Variants in SGCZ observed in about 807,000 individuals in gnomAD.
SGCZ encodes the protein sarcoglycan zeta.
A neutral mutation model predicts 41.3 loss-of-function variants in SGCZ; 40 were observed. The ratio of observed to expected loss-of-function variants is 0.97; its 90% CI spans 0.75 to 1.26. The LOEUF (loss-of-function observed/expected upper bound fraction) is 1.26. SGCZ is among the 50% of genes most tolerant of loss of function. SGCZ has a pLI of 0.00. For missense variants in SGCZ, 552 were observed against 369.8 expected (o/e 1.49, Z -4.04); for synonymous variants, 206 against 137.5 (o/e 1.50, Z -3.49).
At chr8:14,369,464 T>C (rs1489962071) in intron 2 of SGCZ, among the ~76,000 whole-genome samples, 1 of 152,028 alleles carries the variant, frequency 6.6e-6, no homozygotes, top group Non-Finnish European at 1.5e-5. Context: ...GCATCATAGC[T>C]AGAGGCACTC....
At chr8:14,247,041 A>G (rs1799121542) in intron 3 of SGCZ, among the ~76,000 whole-genome samples, 1 of 152,056 alleles carries the variant, frequency 6.6e-6, no homozygotes, top group Non-Finnish European at 1.5e-5. Flanking sequence ...ACTTATCTAG[A>G]GCTGTTTACC....
intron 5 of SGCZ, among the ~76,000 whole-genome samples, chr8:14,127,874 A>C (rs537765693): frequency 6.6e-6 from 1 of 152,160 alleles, no homozygotes; most frequent in African/African-American, 2.4e-5. Flanking sequence ...CCAGGTATTA[A>C]GCCCAGTACC....
intron 2 of SGCZ, among the ~76,000 whole-genome samples, chr8:14,378,053 G>A (rs1218237878): frequency 4.0e-5 from 6 of 149,656 alleles, no homozygotes; most frequent in African/African-American, 1.5e-4. Context: ...CCAGTAATGG[G>A]ATGGCTGGGT....
At chr8:14,598,204 T>A (rs1002277319) in intron 1 of SGCZ, among the ~76,000 whole-genome samples, 1 of 152,170 alleles carries the variant, frequency 6.6e-6, no homozygotes, top group Non-Finnish European at 1.5e-5. Context: ...TTTTATTTCA[T>A]TTCAAGTGGG....
At chr8:15,001,467 C>G (rs188196929) in intron 1 of SGCZ, among the ~76,000 whole-genome samples, 89 of 152,228 alleles carry the variant, frequency 5.8e-4, no homozygotes, top group African/African-American at 2.0e-3. Context: ...TGGTGGCTCA[C>G]GCCCGCAATC....
At chr8:14,440,460 G>A (rs4644256) in intron 2 of SGCZ, among the ~76,000 whole-genome samples, 32,836 of 151,956 alleles carry the variant, frequency 0.22, 4,250 homozygotes, top group Non-Finnish European at 0.29. Context: ...AGAACACAAT[G>A]AAGTTTCCAT....
At chr8:14,664,857 T>C (rs1448542577) in intron 1 of SGCZ, among the ~76,000 whole-genome samples, 2 of 152,138 alleles carry the variant, frequency 1.3e-5, no homozygotes, top group Non-Finnish European at 2.9e-5. Context: ...TCTCATGTTG[T>C]TCCAAAGCTC....
At chr8:14,928,558 G>C (rs189492005) in intron 1 of SGCZ, among the ~76,000 whole-genome samples, 79 of 152,270 alleles carry the variant, frequency 5.2e-4, no homozygotes, top group Admixed American at 1.4e-3. Context: ...TTTAAACGTG[G>C]TGCTAATTAA....
intron 2 of SGCZ, among the ~76,000 whole-genome samples, chr8:14,518,550 G>A (rs896257239): frequency 1.3e-5 from 2 of 152,056 alleles, no homozygotes; most frequent in African/African-American, 2.4e-5. Context: ...AATTTATTGT[G>A]AAATAAAATA....
intron 1 of SGCZ, among the ~76,000 whole-genome samples, chr8:14,656,451 CCTT>C (rs1327674189): frequency 4.1e-5 from 6 of 146,224 alleles, no homozygotes; most frequent in Admixed American, 6.9e-5. Context: ...TCCCTCCCTT[CCTT>C]CTTTTCTTTT....
chr8:14,417,102 C>T (rs1033713776), intron 2 of SGCZ, among the ~76,000 whole-genome samples: 3 of 151,734 alleles, frequency 2.0e-5, no homozygotes, highest in Non-Finnish European at 2.9e-5. Context: ...ATTCTATGCT[C>T]AACCTGTTTC....
chr8:14,171,475 T>A (rs1804379564), intron 4 of SGCZ, among the ~76,000 whole-genome samples: 1 of 152,036 alleles, frequency 6.6e-6, no homozygotes, highest in African/African-American at 2.4e-5. Flanking sequence ...CAACTGGTAG[T>A]ATAATCTCCT....
chr8:14,603,988 A>C (rs2117320081), intron 1 of SGCZ, among the ~76,000 whole-genome samples: 1 of 152,282 alleles, frequency 6.6e-6, no homozygotes. Flanking sequence ...AAAAAATAGC[A>C]AACTGCCCTA....
chr8:14,839,435 C>G (rs777957486), intron 1 of SGCZ, among the ~76,000 whole-genome samples: 2 of 152,044 alleles, frequency 1.3e-5, no homozygotes, highest in Non-Finnish European at 2.9e-5. Context: ...GTCAAGTATG[C>G]AGTTGGATTT....
chr8:14,940,431 A>G (rs118140935), intron 1 of SGCZ, among the ~76,000 whole-genome samples: 3,509 of 152,252 alleles, frequency 0.023, 68 homozygotes, highest in Non-Finnish European at 0.038. Context: ...TACACACTCA[A>G]ATTATATCAA....
chr8:15,191,469 A>G (rs1274376277), intron 1 of SGCZ, among the ~76,000 whole-genome samples: 1 of 152,030 alleles, frequency 6.6e-6, no homozygotes, highest in Non-Finnish European at 1.5e-5. Context: ...TTAACCCTGA[A>G]AACAATTTAA....
intron 2 of SGCZ, among the ~76,000 whole-genome samples, chr8:14,487,063 G>C (rs1008490661): frequency 6.6e-6 from 1 of 152,120 alleles, no homozygotes; most frequent in Non-Finnish European, 1.5e-5. Context: ...TCTGAGCCCA[G>C]ATTCACAGTC....
intron 1 of SGCZ, among the ~76,000 whole-genome samples, chr8:14,636,279 A>G (rs552783098): frequency 1.1e-4 from 17 of 151,998 alleles, no homozygotes; most frequent in African/African-American, 3.6e-4. Context: ...GAGATGTTGA[A>G]GGGTTTTAAG....
intron 1 of SGCZ, among the ~76,000 whole-genome samples, chr8:14,730,162 A>C (rs1358643412): frequency 1.3e-5 from 2 of 152,204 alleles, no homozygotes; most frequent in African/African-American, 2.4e-5. Context: ...CATCAAGAGA[A>C]TCTTGTCTGC....
Sources: gnomAD v4.1 joint callset for allele counts (sites outside exome capture counted in the v4.1 genomes callset) on GRCh38, gnomAD v4.1.1 for gene constraint, MANE v1.5 for transcripts, NCBI Gene and HGNC (gene_info 2026-07-23, HGNC 2026-07-21) for gene names.